Variants in RRM2 observed in about 807,000 individuals in gnomAD.
RRM2 encodes the protein ribonucleoside-diphosphate reductase subunit M2.
A neutral mutation model predicts 45.9 loss-of-function variants in RRM2; 6 were observed. The ratio of observed to expected loss-of-function variants is 0.13; its 90% CI spans 0.07 to 0.26. The LOEUF (loss-of-function observed/expected upper bound fraction) is 0.26, where lower values mean the gene tolerates loss of function less well. RRM2 is among the 10% of genes least tolerant of loss of function. The probability of loss-of-function intolerance (pLI) is 1.00; values close to 1 mark genes in which losing one functional copy is unlikely to be tolerated. For synonymous variants in RRM2, 177 were observed against 173.0 expected, an observed-to-expected ratio of 1.02 and a Z score of -0.18; for missense variants, 343 against 489.5, an observed-to-expected ratio of 0.70 and a Z score of 2.82.
In RRM2 at chr2:10,126,890, T is replaced by C; in HGVS notation, c.585T>C (p.Asn195=). The C allele has an allele frequency of 6.2e-6, 10 of 1,613,896 alleles. No homozygotes were observed. The highest frequency in any genetic ancestry group is 8.5e-6 in the Non-Finnish European group (10 of 1,179,924). ...KDPKEREFLF[N]AIETMPCVKK... is the part of the protein sequence containing the mutation. ...TGCCTACTAGGGAATTTCTCTTCAA[T>C]GCCATTGAAACGATGCCTTGTGTCA... Residue 195 remains asparagine, a synonymous_variant, in exon 6 of 10, where the codon AAT becomes AAC. Transcript: ENST00000304567.
chr2:10,123,613 A>AG, intron 3 of RRM2, 83 bp downstream of exon 3: 2 of 1,538,152 alleles, frequency 1.3e-6, no homozygotes, highest in Non-Finnish European at 1.8e-6. Flanking sequence ...CCCGTTGGCA[A>AG]GGGGGGCTAA....
chr2:10,179,166 G>T (rs1195278203), intron 3 of RRM2, among the ~76,000 whole-genome samples: 1 of 152,012 alleles, frequency 6.6e-6, no homozygotes, highest in African/African-American at 2.4e-5. Flanking sequence ...TTGTTTGTTT[G>T]TTTTGAGACA....
rs181247701 is a variant in RRM2 at position 10,169,947 on chromosome 2, G to A, written n.482+27572G>A. Among the ~76,000 whole-genome samples, 35 of 152,260 alleles carry A rather than the reference G, an allele frequency of 2.3e-4. No individual in the cohort carries two copies. The highest frequency in any genetic ancestry group is 7.9e-4 in the African/African-American group (33 of 41,554). On this transcript the variant is annotated intron_variant and non_coding_transcript_variant, in intron 3 of 3. Transcript: ENST00000381786. The surrounding 1 kb of genome is among the most constrained non-coding windows in gnomAD (Gnocchi z 5.1). The stretch of plus-strand genomic sequence containing the variant: ...TTGGCTGGCATCCCGTTTACATAGC[G>A]AGTGGCCCCACCTGATGGTTCTGAT...
chr2:10,193,545 G>C (rs1387653684), intron 3 of RRM2, among the ~76,000 whole-genome samples: 1 of 152,270 alleles, frequency 6.6e-6, no homozygotes, highest in Non-Finnish European at 1.5e-5. Context: ...GCGCCTGCAG[G>C]AGCCTGTCCT....
chr2:10,168,095 C>T (rs1301188759), intron 3 of RRM2, among the ~76,000 whole-genome samples: 1 of 151,218 alleles, frequency 6.6e-6, no homozygotes, highest in Non-Finnish European at 1.5e-5. Flanking sequence ...GCCAGAGCCC[C>T]CTCATTCCTG....
chr2:10,200,831 A>G (rs1393046672), intron 3 of RRM2, among the ~76,000 whole-genome samples: 1 of 152,218 alleles, frequency 6.6e-6, no homozygotes, highest in Non-Finnish European at 1.5e-5. Flanking sequence ...CAGTTCTTCC[A>G]ATTGTGTCCT....
chr2:10,123,322 C>A, intron 2 of RRM2, 65 bp from the exon 3 acceptor site: 2 of 1,526,412 alleles, frequency 1.3e-6, no homozygotes, highest in South Asian at 1.3e-5. Flanking sequence ...AGGACTTGGT[C>A]CAGAAAAACG....
intron 3 of RRM2, among the ~76,000 whole-genome samples, chr2:10,188,197 C>T (rs1266592058): frequency 6.6e-6 from 1 of 152,172 alleles, no homozygotes; most frequent in Admixed American, 6.5e-5. Flanking sequence ...GTGCAGTGGG[C>T]AGCCCGGTGG....
At chr2:10,140,334 T>C (rs1208452971), upstream of RRM2, among the ~76,000 whole-genome samples, 1 of 152,222 alleles carries the variant, frequency 6.6e-6, no homozygotes, top group African/African-American at 2.4e-5. Context: ...CATAAATAGC[T>C]TCGTTGGGGC....
intron 3 of RRM2, among the ~76,000 whole-genome samples, chr2:10,152,767 G>A (rs1210486140): frequency 1.3e-5 from 2 of 151,950 alleles, no homozygotes; most frequent in African/African-American, 4.8e-5. Flanking sequence ...ATAGGCAAGA[G>A]CCACCACACC....
At chr2:10,146,885 TTCTA>T (rs1246803689) in intron 3 of RRM2, among the ~76,000 whole-genome samples, 1 of 152,240 alleles carries the variant, frequency 6.6e-6, no homozygotes, top group Admixed American at 6.5e-5. Flanking sequence ...TGTGTATTCT[TTCTA>T]TCTACTTTTT....
At chr2:10,177,709 C>CCTTCCTT (rs1558398475) in intron 3 of RRM2, among the ~76,000 whole-genome samples, 1 of 120,142 alleles carries the variant, frequency 8.3e-6, no homozygotes, top group African/African-American at 4.0e-5. Flanking sequence ...CTTCCTTCCT[C>CCTTCCTT]TCTCCCTCCC....
upstream of RRM2, among the ~76,000 whole-genome samples, chr2:10,137,586 G>A (rs1663012278): frequency 6.6e-6 from 1 of 152,222 alleles, no homozygotes; most frequent in Non-Finnish European, 1.5e-5. Context: ...GACGCTCTGG[G>A]TACTATGCTA....
chr2:10,152,097 C>T (rs932095908), intron 3 of RRM2, among the ~76,000 whole-genome samples: 5 of 152,054 alleles, frequency 3.3e-5, no homozygotes, highest in South Asian at 2.1e-4. Context: ...TACAGGCGCC[C>T]GCCACCACGC....
At chr2:10,164,370 G>A (rs1369921955) in intron 3 of RRM2, among the ~76,000 whole-genome samples, 4 of 152,068 alleles carry the variant, frequency 2.6e-5, no homozygotes, top group African/African-American at 9.7e-5. Flanking sequence ...GTGTGTGGAC[G>A]GCTTAATACA....
chr2:10,133,758 G>C (rs1022624822), downstream of RRM2, among the ~76,000 whole-genome samples: 1 of 150,102 alleles, frequency 6.7e-6, no homozygotes, highest in African/African-American at 2.5e-5. Flanking sequence ...TGCTGCTTAA[G>C]GTTCAGTAGT....
intron 3 of RRM2, among the ~76,000 whole-genome samples, chr2:10,183,511 C>T (rs968536329): frequency 6.6e-6 from 1 of 152,320 alleles, no homozygotes; most frequent in Non-Finnish European, 1.5e-5. Context: ...TCCTTGATTC[C>T]GATCACAGCA....
intron 3 of RRM2, among the ~76,000 whole-genome samples, chr2:10,179,937 T>C (rs1664009401): frequency 6.6e-6 from 1 of 152,194 alleles, no homozygotes; most frequent in African/African-American, 2.4e-5. Flanking sequence ...AGAGCTTCCC[T>C]CTGTCTAATC....
chr2:10,122,664 G>T (rs776741239), upstream of RRM2: 3 of 1,549,172 alleles, frequency 1.9e-6, no homozygotes, highest in Non-Finnish European at 2.6e-6. Flanking sequence ...AAGGGCCGGG[G>T]CACCAAAGCC....
Sources: allele counts gnomAD v4.1 joint callset (sites outside exome capture counted in the v4.1 genomes callset), GRCh38; gene constraint gnomAD v4.1.1; non-coding constraint Gnocchi (gnomAD v3.1); transcripts MANE v1.5; gene names NCBI Gene and HGNC (gene_info 2026-07-23, HGNC 2026-07-21).